Variants in CNTN5 observed in about 807,000 individuals in gnomAD.
CNTN5 encodes contactin 5.
In CNTN5, 77 loss-of-function variants were observed where a neutral mutation model predicts 129.1. The ratio of observed to expected loss-of-function variants is 0.60; its 90% CI spans 0.50 to 0.72. CNTN5 has a LOEUF of 0.72. Among genes scored for constraint, CNTN5 ranks in the 30% least tolerant of loss-of-function variants. CNTN5 has a pLI of 0.00. For missense variants in CNTN5, 1,478 were observed against 1,328.8 expected (o/e 1.11, Z -1.75); for synonymous variants, 509 against 465.6 (o/e 1.09, Z -1.20).
intron 2 of CNTN5, among the ~76,000 whole-genome samples, chr11:99,436,636 A>G (rs988856412): frequency 1.3e-5 from 2 of 152,190 alleles, no homozygotes; most frequent in Admixed American, 6.5e-5. Context: ...AAACTTTACT[A>G]TCACCTCCAG....
rs546722785 is a variant in CNTN5 at position 99,250,579 on chromosome 11, A to AT, written c.-209-74759dup. 1.9e-4 allele frequency among the ~76,000 whole-genome samples: 29 copies of AT among 151,838 alleles called. No individual in the cohort carries two copies. In the East Asian group the frequency reaches 4.5e-3, roughly 23 times the overall value. On this transcript the variant is annotated intron_variant, in intron 1 of 24. Transcript: ENST00000524871. The stretch of plus-strand genomic sequence containing the variant: ...CTTTTGTATTTTAAATTCATGCTGA[A>AT]TTTTTTTTCCACTTAAATTCTGATG...
intron 3 of CNTN5, among the ~76,000 whole-genome samples, chr11:99,595,332 A>G (rs1448844301): frequency 1.4e-5 from 2 of 147,710 alleles, no homozygotes; most frequent in African/African-American, 2.5e-5. Context: ...AAATATGTAC[A>G]ATTATTATGT....
At chr11:99,578,906 T>C (rs909651321) in intron 3 of CNTN5, among the ~76,000 whole-genome samples, 9 of 152,102 alleles carry the variant, frequency 5.9e-5, no homozygotes, top group Admixed American at 2.6e-4. Flanking sequence ...TCCTTGCCCA[T>C]GCCTATGTCC....
At chr11:99,812,939 A>G (rs1187631218) in intron 3 of CNTN5, among the ~76,000 whole-genome samples, 1 of 151,614 alleles carries the variant, frequency 6.6e-6, no homozygotes, top group African/African-American at 2.4e-5. Flanking sequence ...TCTTGGTTTT[A>G]TAAATTTTTA....
chr11:99,965,348 C>G (rs1289053426), intron 8 of CNTN5, among the ~76,000 whole-genome samples: 1 of 149,538 alleles, frequency 6.7e-6, no homozygotes, highest in African/African-American at 2.5e-5. Context: ...CCCAGAGATT[C>G]TGGTATTTGT....
chr11:99,167,492 A>G (rs1860927274), intron 1 of CNTN5, among the ~76,000 whole-genome samples: 1 of 152,314 alleles, frequency 6.6e-6, no homozygotes, highest in African/African-American at 2.4e-5. Context: ...GCTACAGAAT[A>G]TATCATTTTA....
At chr11:99,408,501 A>AGAAAGAAG (rs1565558170) in intron 2 of CNTN5, among the ~76,000 whole-genome samples, 12 of 146,770 alleles carry the variant, frequency 8.2e-5, no homozygotes, top group African/African-American at 3.0e-4. Flanking sequence ...AAAGAAAGAA[A>AGAAAGAAG]GAAAGTTAGT....
At chr11:100,070,165 C>CA (rs3061793) in intron 10 of CNTN5, among the ~76,000 whole-genome samples, 3,528 of 109,190 alleles carry the variant, frequency 0.032, 135 homozygotes, top group African/African-American at 0.1. Context: ...ACTTAAAGTC[C>CA]AAAAAAAAAA....
chr11:99,771,967 A>G (rs900519296), intron 3 of CNTN5, among the ~76,000 whole-genome samples: 4 of 151,926 alleles, frequency 2.6e-5, no homozygotes, highest in African/African-American at 9.7e-5. Context: ...GGAGAAAAAA[A>G]AACCTGAAAA....
At chr11:99,414,846 C>T (rs543534528) in intron 2 of CNTN5, among the ~76,000 whole-genome samples, 13 of 152,206 alleles carry the variant, frequency 8.5e-5, no homozygotes, top group African/African-American at 3.1e-4. Context: ...GACAATCAAA[C>T]GGGTGGTCAG....
At chr11:99,526,612 C>A (rs1414326784) in intron 2 of CNTN5, among the ~76,000 whole-genome samples, 1 of 152,148 alleles carries the variant, frequency 6.6e-6, no homozygotes, top group East Asian at 1.9e-4. Flanking sequence ...TGTGTCAAGT[C>A]ACGATCAATT....
intron 2 of CNTN5, among the ~76,000 whole-genome samples, chr11:99,403,773 C>T (rs1032390396): frequency 8.5e-5 from 13 of 152,134 alleles, no homozygotes; most frequent in Admixed American, 5.9e-4. Flanking sequence ...TGTGACTTAA[C>T]ATATGGGCTG....
At chr11:100,283,374 C>T (rs2138826485) in intron 18 of CNTN5, among the ~76,000 whole-genome samples, 1 of 152,264 alleles carries the variant, frequency 6.6e-6, no homozygotes, top group East Asian at 1.9e-4. Flanking sequence ...TATGGATCTG[C>T]AAGCTGTGCA....
intron 18 of CNTN5, among the ~76,000 whole-genome samples, chr11:100,286,110 C>A (rs1187882757): frequency 6.6e-6 from 1 of 152,212 alleles, no homozygotes; most frequent in Non-Finnish European, 1.5e-5. Context: ...GTCCTACGCC[C>A]ACGGAGTCTC....
chr11:99,614,783 T>C (rs1192933973), intron 3 of CNTN5, among the ~76,000 whole-genome samples: 1 of 152,186 alleles, frequency 6.6e-6, no homozygotes. Context: ...CCTTATTTTT[T>C]TTTATTGTAC....
intron 2 of CNTN5, among the ~76,000 whole-genome samples, chr11:99,383,208 C>A (rs545783773): frequency 6.6e-6 from 1 of 152,180 alleles, no homozygotes; most frequent in South Asian, 2.1e-4. Flanking sequence ...AAGTGGCTAT[C>A]ATTTTTATCA....
Position 100,053,149 on chromosome 11 carries a change from A to G in CNTN5, c.981-8063A>G, listed in dbSNP as rs556099414. Among the ~76,000 whole-genome samples, 8 of 151,866 alleles carry G rather than the reference A, an allele frequency of 5.3e-5. No homozygotes were observed. The East Asian group carries it at 1.5e-3, about 29-fold the overall frequency. ...TCTATGTATTTTCTATGTATTCTAC[A>G]AATACATAGAACAATATCTCACTTT... On this transcript the variant is annotated intron_variant, in intron 9 of 24. Coordinates refer to ENST00000524871, the MANE Select transcript of CNTN5 (RefSeq NM_014361.4).
rs1865377132 is a variant in CNTN5, at chr11:99,317,145, G to A, written c.-209-8201G>A. On this transcript the variant is annotated intron_variant, in intron 1 of 24. Transcript: ENST00000524871. ...TTTATTCCATGACATTGGGCTTAGG[G>A]GAGATTATTTTTTCAAGACAGAAGA... 1.3e-5 allele frequency among the ~76,000 whole-genome samples: 2 copies of A among 152,130 alleles called. 1 individual carries two copies. Among genetic ancestry groups the A allele is most frequent in the Non-Finnish European group, 2.9e-5 (2 of 68,030 alleles).
chr11:100,114,040 C>G (rs1038335706), intron 13 of CNTN5, among the ~76,000 whole-genome samples: 1 of 152,028 alleles, frequency 6.6e-6, no homozygotes, highest in African/African-American at 2.4e-5. Context: ...GAACTGCCAT[C>G]CATGTAAGTA....
Sources: allele counts gnomAD v4.1 joint callset (sites outside exome capture counted in the v4.1 genomes callset), GRCh38; gene constraint gnomAD v4.1.1; transcripts MANE v1.5; gene names NCBI Gene and HGNC (gene_info 2026-07-23, HGNC 2026-07-21).